Variants in STAM observed in about 807,000 individuals in gnomAD.
STAM encodes signal transducing adaptor molecule, also known as signal transducing adapter molecule 1.
Under a neutral mutation model 63.4 loss-of-function variants are expected in STAM, and 16 were observed. That is an observed-to-expected ratio of 0.25 (90% CI 0.17 to 0.38). The LOEUF (loss-of-function observed/expected upper bound fraction) is 0.38, where lower values mean the gene tolerates loss of function less well. STAM is among the 10% of genes least tolerant of loss of function. The probability of loss-of-function intolerance (pLI) is 1.00; values close to 1 mark genes in which losing one functional copy is unlikely to be tolerated. For synonymous variants in STAM, 238 were observed against 223.9 expected (o/e 1.06, Z -0.56); for missense variants, 636 against 657.1 (o/e 0.97, Z 0.35).
chr10:17,655,219 G>T (rs1382829939), intron 1 of STAM, among the ~76,000 whole-genome samples: 1 of 152,154 alleles, frequency 6.6e-6, no homozygotes, highest in Admixed American at 6.5e-5. Flanking sequence ...ACTTCTGGTA[G>T]GGTATGGCGT....
At chr10:17,678,245 T>A (rs1554824859) in intron 2 of STAM, among the ~76,000 whole-genome samples, 1 of 140,864 alleles carries the variant, frequency 7.1e-6, no homozygotes, top group Non-Finnish European at 1.5e-5. Flanking sequence ...TGATCAACTT[T>A]CTTCATGTGG....
At chr10:17,649,889 C>T (rs782007404) in intron 1 of STAM, among the ~76,000 whole-genome samples, 2 of 152,206 alleles carry the variant, frequency 1.3e-5, no homozygotes, top group African/African-American at 4.8e-5. Context: ...CTGGGATTAC[C>T]GATGTGAGGC....
intron 1 of STAM, among the ~76,000 whole-genome samples, chr10:17,645,948 C>G (rs1833504502): frequency 6.6e-6 from 1 of 152,210 alleles, no homozygotes; most frequent in Non-Finnish European, 1.5e-5. Context: ...TACCCAATCA[C>G]CTTTATATTC....
intron 7 of STAM, chr10:17,695,912 T>C (rs1835735626): frequency 6.6e-6 from 1 of 152,210 alleles, no homozygotes; most frequent in African/African-American, 2.4e-5. Flanking sequence ...ACAACAGGAA[T>C]TTATTTCTCA....
At position 17,649,715 on chromosome 10, in the gene STAM, G is replaced by A. The variant is rs148427448; in HGVS notation, c.40+5336G>A. ...AAACAAATTCATCTGTCAGAAAACT[G>A]AAGTTATCTTTCTAAGTCTGGCTCT... On this transcript the variant is annotated intron_variant, in intron 1 of 13. Transcript: ENST00000377524. Among the ~76,000 whole-genome samples, 600 of 152,214 alleles carry A rather than the reference G, an allele frequency of 3.9e-3. 14 individuals are homozygous for A. Among genetic ancestry groups the A allele is most frequent in the Admixed American group, 0.032 (491 of 15,302 alleles).
chr10:17,681,215 T>TA (rs34897638), intron 2 of STAM, among the ~76,000 whole-genome samples: 1 of 150,566 alleles, frequency 6.6e-6, no homozygotes, highest in African/African-American at 2.4e-5. Flanking sequence ...TTTTTTTTTT[T>TA]AATGTAGGTG....
At chr10:17,662,126 C>T (rs1554822958) in intron 2 of STAM, among the ~76,000 whole-genome samples, 1 of 152,020 alleles carries the variant, frequency 6.6e-6, no homozygotes, top group East Asian at 1.9e-4. Context: ...ATCCAGTTGC[C>T]GTATAACAGC....
intron 7 of STAM, among the ~76,000 whole-genome samples, chr10:17,696,433 G>A (rs1457869181): frequency 6.6e-6 from 1 of 152,106 alleles, no homozygotes; most frequent in African/African-American, 2.4e-5. Flanking sequence ...GAAAATAAGA[G>A]CCTGTCTTTA....
intron 5 of STAM, among the ~76,000 whole-genome samples, chr10:17,690,596 C>A (rs1835489090): frequency 6.6e-6 from 1 of 152,110 alleles, no homozygotes; most frequent in African/African-American, 2.4e-5. Flanking sequence ...GCAGAACTCC[C>A]TGTAGATTTT....
Position 17,705,740 on chromosome 10 carries a change from A to G in STAM, c.1208A>G (p.Gln403Arg), listed in dbSNP as rs1836234885. The stretch of plus-strand genomic sequence containing the variant: ...CAGTCATCTGGTGTTTCTGGTTCTC[A>G]GGTAAGCTTTTAGAAGCCCATGTTG... ...YMQSSGVSGS[Q>R]VYAGPPPSGA... The change falls in exon 12 of 14, where the codon CAG (glutamine) becomes CGG (arginine). Residue 403 changes from glutamine (Q) to arginine (R), a missense_variant and splice_region_variant. Gln to Arg is a conservative substitution (Grantham distance 43). This residue lies in a region of STAM where 532 missense variants were observed against 536.9 expected (regional missense o/e 0.99). Transcript: ENST00000377524. 1.2e-6 allele frequency: 2 copies of G among 1,610,742 alleles called. No individual in the cohort carries two copies. The highest frequency in any genetic ancestry group is 1.3e-5 in the African/African-American group (1 of 74,682).
At chr10:17,657,435 A>G (rs1554822284) in intron 1 of STAM, among the ~76,000 whole-genome samples, 1 of 152,044 alleles carries the variant, frequency 6.6e-6, no homozygotes, top group Non-Finnish European at 1.5e-5. Context: ...TTTTCTTGTA[A>G]TGTTTTTGTC....
chr10:17,666,017 A>G (rs1181507069), intron 2 of STAM, among the ~76,000 whole-genome samples: 1 of 152,214 alleles, frequency 6.6e-6, no homozygotes, highest in Non-Finnish European at 1.5e-5. Flanking sequence ...ATGTCTTCAC[A>G]TAAATAATTT....
chr10:17,660,411 TC>T, intron 1 of STAM, 52 bp from the exon 2 acceptor site: 6 of 1,225,650 alleles, frequency 4.9e-6, no homozygotes, highest in Non-Finnish European at 6.9e-6. Context: ...TGATTATGTA[TC>T]TTTTAAAGAT....
intron 1 of STAM, among the ~76,000 whole-genome samples, chr10:17,650,981 C>T (rs1034982880): frequency 3.5e-5 from 5 of 141,076 alleles, no homozygotes; most frequent in South Asian, 2.3e-4. Flanking sequence ...AGGAGAATAG[C>T]GTGAACCTGG....
chr10:17,708,166 A>C (rs943157733), intron 12 of STAM, among the ~76,000 whole-genome samples: 3 of 152,222 alleles, frequency 2.0e-5, no homozygotes, highest in Non-Finnish European at 4.4e-5. Flanking sequence ...CTGGGATTAC[A>C]GGCATGAGCC....
intron 13 of STAM, 93 bp from the exon 14 acceptor site, chr10:17,714,450 A>G: frequency 8.5e-7 from 1 of 1,176,224 alleles, no homozygotes; most frequent in Non-Finnish European, 1.3e-6. Context: ...AATTGACTAT[A>G]TGAATGAATG....
chr10:17,664,670 G>A (rs1393654227), intron 2 of STAM, among the ~76,000 whole-genome samples: 2 of 152,142 alleles, frequency 1.3e-5, no homozygotes, highest in African/African-American at 2.4e-5. Context: ...AGAGGGAAAA[G>A]AGGACATGAG....
intron 1 of STAM, among the ~76,000 whole-genome samples, chr10:17,658,515 C>T (rs1554822446): frequency 2.0e-5 from 3 of 149,906 alleles, no homozygotes; most frequent in African/African-American, 7.4e-5. Flanking sequence ...CCTACCTGAC[C>T]TGTCCATTTC....
At chr10:17,656,634 T>C (rs1833951997) in intron 1 of STAM, among the ~76,000 whole-genome samples, 2 of 152,202 alleles carry the variant, frequency 1.3e-5, no homozygotes, top group Non-Finnish European at 2.9e-5. Context: ...GTAATTCTTT[T>C]TATACATTGT....
Sources: allele counts gnomAD v4.1 joint callset (sites outside exome capture counted in the v4.1 genomes callset), GRCh38; gene constraint gnomAD v4.1.1; regional missense constraint gnomAD v4.1.1; transcripts MANE v1.5; gene names NCBI Gene and HGNC (gene_info 2026-07-23, HGNC 2026-07-21).